CD2AP: variants seen among roughly 807,000 people sequenced by gnomAD.
CD2AP encodes CD2-associated protein.
CD2AP carries 46 observed loss-of-function variants against 85.1 expected under a neutral mutation model. That is an observed-to-expected ratio of 0.54 (90% CI 0.43 to 0.69). The LOEUF (loss-of-function observed/expected upper bound fraction) is 0.69. CD2AP is among the 30% of genes least tolerant of loss of function. The pLI, the probability that CD2AP is intolerant of heterozygous loss-of-function variation, is 0.00. For missense variants in CD2AP, 769 were observed against 729.5 expected, an observed-to-expected ratio of 1.05 and a Z score of -0.62; for synonymous variants, 255 against 252.9, an observed-to-expected ratio of 1.01 and a Z score of -0.08.
chr6:47,577,417 C>A (rs1768343466), intron 8 of CD2AP, among the ~76,000 whole-genome samples: 1 of 151,878 alleles, frequency 6.6e-6, no homozygotes, highest in African/African-American at 2.4e-5. Flanking sequence ...ATTCTTACTT[C>A]TCTTCCACCT....
intron 12 of CD2AP, among the ~76,000 whole-genome samples, chr6:47,596,477 C>G (rs1768951801): frequency 6.6e-6 from 1 of 152,078 alleles, no homozygotes; most frequent in African/African-American, 2.4e-5. Flanking sequence ...TCTATGGGAT[C>G]AACTTTTTTA....
chr6:47,609,495 G>T, intron 16 of CD2AP, 191 bp downstream of exon 16: 4 of 185,588 alleles, frequency 2.2e-5, no homozygotes, highest in South Asian at 2.0e-4. Flanking sequence ...TGGACGACAT[G>T]ACAAAACCCC....
At chr6:47,617,175 G>T (rs1769615538) in intron 17 of CD2AP, among the ~76,000 whole-genome samples, 1 of 152,086 alleles carries the variant, frequency 6.6e-6, no homozygotes, top group Non-Finnish European at 1.5e-5. Flanking sequence ...ATGTTGCCCA[G>T]GTTGATCTTG....
At chr6:47,556,998 C>CT (rs1306700848) in intron 5 of CD2AP, among the ~76,000 whole-genome samples, 2 of 152,094 alleles carry the variant, frequency 1.3e-5, no homozygotes, top group Non-Finnish European at 2.9e-5. Context: ...TGTTTCCTGA[C>CT]TTTTTAATGA....
At chr6:47,502,242 A>G (rs1197168901) in intron 1 of CD2AP, among the ~76,000 whole-genome samples, 3 of 152,222 alleles carry the variant, frequency 2.0e-5, no homozygotes, top group Admixed American at 1.3e-4. Flanking sequence ...AGCAAGGGAA[A>G]AAGTCTCCTA....
intron 1 of CD2AP, among the ~76,000 whole-genome samples, chr6:47,479,960 G>T (rs1037645316): frequency 6.6e-6 from 1 of 151,986 alleles, no homozygotes; most frequent in African/African-American, 2.4e-5. Flanking sequence ...TCAGTAGGCC[G>T]TTACTTAGTG....
chr6:47,507,600 C>T (rs1443188412), intron 2 of CD2AP, among the ~76,000 whole-genome samples: 1 of 152,164 alleles, frequency 6.6e-6, no homozygotes, highest in Non-Finnish European at 1.5e-5. Context: ...CTCCCACCAC[C>T]ACGCCCAGCT....
intron 9 of CD2AP, 70 bp downstream of exon 9, chr6:47,579,559 T>G: frequency 1.1e-6 from 1 of 938,498 alleles, no homozygotes; most frequent in Non-Finnish European, 1.7e-6. Flanking sequence ...TGCAAACAAG[T>G]TTTTTTGCAT....
chr6:47,556,135 G>A (rs938141683), intron 5 of CD2AP, among the ~76,000 whole-genome samples: 3 of 146,028 alleles, frequency 2.1e-5, no homozygotes, highest in Non-Finnish European at 4.5e-5. Context: ...AGGTATACAT[G>A]TGCCATGGTG....
intron 5 of CD2AP, among the ~76,000 whole-genome samples, chr6:47,556,541 G>C (rs1173700635): frequency 6.6e-6 from 1 of 151,992 alleles, no homozygotes; most frequent in Non-Finnish European, 1.5e-5. Flanking sequence ...TAGAGATGGG[G>C]TTTCTCCATG....
intron 5 of CD2AP, among the ~76,000 whole-genome samples, chr6:47,557,831 A>C (rs750854530): frequency 1.6e-4 from 24 of 152,124 alleles, no homozygotes; most frequent in African/African-American, 4.8e-4. Context: ...TCCATATGAA[A>C]CATAAAGTAG....
chr6:47,576,470 A>G lies in CD2AP; in HGVS notation c.730-54A>G, dbSNP rs1408564684. 62 of 1,149,850 alleles carry G rather than the reference A, an allele frequency of 5.4e-5. 1 individual carries two copies. The South Asian group carries it at 7.6e-4, about 14-fold the overall frequency. 71.2% of individuals were successfully genotyped at this position (1,149,850 alleles called of 1,614,324 possible). The stretch of plus-strand genomic sequence containing the variant: ...ACTGTAAATGGAAACTTTGTTTAAC[A>G]GTATTATCTTTATTCTATCTTAAAA... On this transcript the variant is annotated intron_variant, in intron 6 of 17. Coordinates refer to ENST00000359314, the MANE Select transcript of CD2AP (RefSeq NM_012120.3).
chr6:47,589,519 C>A (rs1202704691), intron 11 of CD2AP, among the ~76,000 whole-genome samples: 1 of 115,862 alleles, frequency 8.6e-6, no homozygotes, highest in African/African-American at 2.9e-5. Context: ...TACGTATGTA[C>A]ACACATATAT....
chr6:47,596,936 T>C (rs566617167), intron 12 of CD2AP, among the ~76,000 whole-genome samples: 1 of 152,234 alleles, frequency 6.6e-6, no homozygotes, highest in Admixed American at 6.5e-5. Context: ...TCTTTTATCT[T>C]TTTGAAAAGT....
intron 17 of CD2AP, among the ~76,000 whole-genome samples, chr6:47,617,964 T>C (rs1165361427): frequency 1.3e-5 from 2 of 152,176 alleles, no homozygotes; most frequent in African/African-American, 4.8e-5. Flanking sequence ...TTCTACAGAT[T>C]CTCAAGGCCC....
chr6:47,504,773 T>G (rs967287706), intron 2 of CD2AP, among the ~76,000 whole-genome samples: 2 of 152,146 alleles, frequency 1.3e-5, no homozygotes, highest in Admixed American at 6.5e-5. Flanking sequence ...GTCACATGAA[T>G]GTTTTGATTT....
chr6:47,552,766 A>T (rs952500858), intron 4 of CD2AP, among the ~76,000 whole-genome samples: 1 of 152,000 alleles, frequency 6.6e-6, no homozygotes, highest in African/African-American at 2.4e-5. Context: ...TCTAGTTTGG[A>T]TCACTTCCAG....
chr6:47,580,974 A>G (rs1271240914), intron 10 of CD2AP, 74 bp downstream of exon 10: 1 of 1,006,374 alleles, frequency 9.9e-7, no homozygotes, highest in Non-Finnish European at 1.6e-6. Context: ...ATTGGATCTA[A>G]TGCAAACTAT....
At chr6:47,563,709 CT>C (rs1382283808) in intron 5 of CD2AP, among the ~76,000 whole-genome samples, 2 of 152,126 alleles carry the variant, frequency 1.3e-5, no homozygotes, top group African/African-American at 4.8e-5. Context: ...TTTTAGCTCT[CT>C]GTAAGTGCTA....
Sources: gnomAD v4.1 joint callset for allele counts (sites outside exome capture counted in the v4.1 genomes callset) on GRCh38, gnomAD v4.1.1 for gene constraint, MANE v1.5 for transcripts, NCBI Gene and HGNC (gene_info 2026-07-23, HGNC 2026-07-21) for gene names.